HYCC2: variants seen among roughly 807,000 people sequenced by gnomAD.
HYCC2 encodes the protein hyccin 2.
the HYCC2 span, among the ~76,000 whole-genome samples, chr2:201,030,582 CTTTT>C: frequency 7.0e-6 from 1 of 141,944 alleles, no homozygotes. Context: ...TATCTCATTC[CTTTT>C]TTTTTTTTTT....
chr2:200,991,568 CA>C, the HYCC2 span, among the ~76,000 whole-genome samples: 190 of 119,412 alleles, frequency 1.6e-3, no homozygotes, highest in Admixed American at 1.8e-3. Flanking sequence ...GACTCCGTCT[CA>C]AAAAAAAAAA....
the HYCC2 span, among the ~76,000 whole-genome samples, chr2:200,999,297 G>A: frequency 6.6e-6 from 1 of 151,890 alleles, no homozygotes; most frequent in Non-Finnish European, 1.5e-5. Flanking sequence ...TTTTTTAAAT[G>A]GCAAAACCAC....
the HYCC2 span, chr2:200,992,232 C>CT: frequency 8.7e-7 from 1 of 1,149,272 alleles, no homozygotes; most frequent in Non-Finnish European, 1.3e-6. Flanking sequence ...AACCTAGTAC[C>CT]TTTTTTAGGT....
the HYCC2 span, chr2:200,987,406 T>C: frequency 1.0e-5 from 13 of 1,289,820 alleles, no homozygotes; most frequent in African/African-American, 3.0e-5. Flanking sequence ...CGGCGAGCCA[T>C]GCTCAGGGGT....
the HYCC2 span, among the ~76,000 whole-genome samples, chr2:201,023,090 T>G: frequency 6.6e-6 from 1 of 152,208 alleles, no homozygotes; most frequent in African/African-American, 2.4e-5. Context: ...GGCTCACGTC[T>G]GGAATCCCAG....
chr2:201,066,529 A>T, the HYCC2 span, among the ~76,000 whole-genome samples: 4 of 152,256 alleles, frequency 2.6e-5, no homozygotes, highest in Non-Finnish European at 5.9e-5. Flanking sequence ...AATACAAAAG[A>T]ATATGGAAAA....
the HYCC2 span, among the ~76,000 whole-genome samples, chr2:201,019,819 A>T: frequency 6.6e-6 from 1 of 151,638 alleles, no homozygotes; most frequent in African/African-American, 2.4e-5. Flanking sequence ...GCCAGGCTCA[A>T]TAGCTCATGC....
At chr2:201,002,543 T>G in the HYCC2 span, among the ~76,000 whole-genome samples, 1 of 151,714 alleles carries the variant, frequency 6.6e-6, no homozygotes, top group African/African-American at 2.4e-5. Flanking sequence ...TTTTTTTTTT[T>G]GAGATGGAGT....
the HYCC2 span, among the ~76,000 whole-genome samples, chr2:201,030,898 G>A: frequency 1.3e-5 from 2 of 151,992 alleles, no homozygotes; most frequent in Admixed American, 1.3e-4. Flanking sequence ...CTTTTTAACA[G>A]CCATAAAACT....
At chr2:201,063,201 G>A in the HYCC2 span, 1 of 1,607,352 alleles carries the variant, frequency 6.2e-7, no homozygotes, top group Non-Finnish European at 8.5e-7. Flanking sequence ...GAGCAACGGG[G>A]AACGCTCACA....
At chr2:201,024,790 C>T in the HYCC2 span, among the ~76,000 whole-genome samples, 2 of 152,028 alleles carry the variant, frequency 1.3e-5, no homozygotes, top group Non-Finnish European at 2.9e-5. Flanking sequence ...CACAATAAGG[C>T]CTCTGAAGAA....
the HYCC2 span, among the ~76,000 whole-genome samples, chr2:201,033,485 G>T: frequency 1.5e-4 from 23 of 151,396 alleles, 1 homozygote; most frequent in Admixed American, 1.4e-3. Context: ...CTCACTGCAA[G>T]CTCCGCCTCC....
chr2:201,042,631 C>T, the HYCC2 span, among the ~76,000 whole-genome samples: 4 of 149,516 alleles, frequency 2.7e-5, no homozygotes, highest in Non-Finnish European at 5.9e-5. Flanking sequence ...GGAGCCCCTC[C>T]GCCTGGCAGC....
the HYCC2 span, among the ~76,000 whole-genome samples, chr2:201,015,557 AGTG>A: frequency 1.3e-5 from 2 of 152,198 alleles, no homozygotes; most frequent in Admixed American, 6.5e-5. Flanking sequence ...ACATATAAGA[AGTG>A]GTGATTAAAT....
chr2:200,978,381 G>A, the HYCC2 span: 1 of 150,918 alleles, frequency 6.6e-6, no homozygotes, highest in South Asian at 2.1e-4. Flanking sequence ...AATGTTACAG[G>A]GTCATAAAAT....
chr2:201,011,563 G>A, the HYCC2 span: 1 of 679,584 alleles, frequency 1.5e-6, no homozygotes, highest in Non-Finnish European at 2.3e-6. Context: ...TATATGATTG[G>A]CAGTAGGAAG....
chr2:201,023,348 CA>C, the HYCC2 span, among the ~76,000 whole-genome samples: 46 of 134,536 alleles, frequency 3.4e-4, no homozygotes, highest in South Asian at 4.7e-4. Flanking sequence ...GACTCCATCT[CA>C]AAAAAAAAAA....
chr2:201,015,205 A>C, the HYCC2 span, among the ~76,000 whole-genome samples: 2 of 152,196 alleles, frequency 1.3e-5, no homozygotes, highest in Non-Finnish European at 2.9e-5. Flanking sequence ...GTGCTGCCCA[A>C]GTCTTCAGAA....
the HYCC2 span, among the ~76,000 whole-genome samples, chr2:200,995,193 C>G: frequency 3.9e-5 from 6 of 152,212 alleles, 1 homozygote; most frequent in South Asian, 1.2e-3. Flanking sequence ...CATGGTATTA[C>G]AGTTAAGAGA....
Sources: gnomAD v4.1 joint callset for allele counts (sites outside exome capture counted in the v4.1 genomes callset) on GRCh38, gnomAD v4.1.1 for gene constraint, MANE v1.5 for transcripts, NCBI Gene and HGNC (gene_info 2026-07-23, HGNC 2026-07-21) for gene names.